Variants in FGD4 observed in about 807,000 individuals in gnomAD.
FGD4 encodes the protein FYVE, RhoGEF and PH domain-containing protein 4.
A neutral mutation model predicts 102.0 loss-of-function variants in FGD4; 42 were observed. The observed-to-expected ratio is 0.41, with a 90% CI of 0.32 to 0.53. The LOEUF (loss-of-function observed/expected upper bound fraction) is 0.53, where lower values mean the gene tolerates loss of function less well. Among genes scored for constraint, FGD4 ranks in the 20% least tolerant of loss-of-function variants. The pLI, the probability that FGD4 is intolerant of heterozygous loss-of-function variation, is 0.21. For synonymous variants in FGD4, 380 were observed against 375.7 expected (o/e 1.01, Z -0.13); for missense variants, 902 against 1,078.2 (o/e 0.84, Z 2.29).
intron 1 of FGD4, among the ~76,000 whole-genome samples, chr12:32,474,496 A>T (rs1410896452): frequency 6.6e-6 from 1 of 152,310 alleles, no homozygotes; most frequent in East Asian, 1.9e-4. Context: ...ACAAAAGACC[A>T]TGTGTTGTAT....
chr12:32,501,202 C>T (rs1565780202), intron 1 of FGD4, among the ~76,000 whole-genome samples: 2 of 152,220 alleles, frequency 1.3e-5, no homozygotes, highest in African/African-American at 4.8e-5. Context: ...CAGGTGCGCA[C>T]CACCACACCT....
intron 10 of FGD4, among the ~76,000 whole-genome samples, chr12:32,614,622 G>A (rs1040535548): frequency 1.3e-5 from 2 of 152,178 alleles, no homozygotes; most frequent in Non-Finnish European, 2.9e-5. Flanking sequence ...CATCAAACAA[G>A]GGCAATTTTT....
Position 32,640,384 on chromosome 12 carries a change from C to T in FGD4, c.2563C>T (p.His855Tyr), listed in dbSNP as rs908838682. 6.2e-7 allele frequency: 1 copy of T among 1,614,202 alleles called. No individual in the cohort carries two copies. The highest frequency in any genetic ancestry group is 1.7e-5 in the Admixed American group (1 of 60,032). ...CAAACTGACCCAGTCTAAGTCCGTGCACAGCTTTGCTGCAGACAGTGAGGA... is the reference window on the plus strand; with the variant it reads ...CAAACTGACCCAGTCTAAGTCCGTGTACAGCTTTGCTGCAGACAGTGAGGA... ...SFKLTQSKSV[H>Y]SFAADSEELK... is the part of the protein sequence containing the mutation. Residue 855 changes from histidine (H) to tyrosine (Y), a missense_variant, in exon 17 of 17, where the codon CAC becomes TAC. By Grantham distance (83) the His-to-Tyr change is moderately conservative. Transcript: ENST00000534526.
At chr12:32,429,236 A>G (rs886666017) in intron 1 of FGD4, among the ~76,000 whole-genome samples, 2 of 152,056 alleles carry the variant, frequency 1.3e-5, no homozygotes, top group African/African-American at 2.4e-5. Context: ...GTTGATGTTG[A>G]TGCTATTCAT....
intron 1 of FGD4, among the ~76,000 whole-genome samples, chr12:32,408,947 T>C (rs1470394625): frequency 6.6e-6 from 1 of 152,176 alleles, no homozygotes; most frequent in African/African-American, 2.4e-5. Flanking sequence ...ATCTGCCCTC[T>C]GGGAAGGTTC....
At chr12:32,509,241 C>CTTTTTTT (rs35053299) in intron 1 of FGD4, among the ~76,000 whole-genome samples, 1 of 132,690 alleles carries the variant, frequency 7.5e-6, no homozygotes, top group African/African-American at 2.8e-5. Context: ...CTTTTATTCT[C>CTTTTTTT]TTTTTTTTTT....
At chr12:32,485,870 A>G in intron 1 of FGD4, 1 of 1,240,580 alleles carries the variant, frequency 8.1e-7, no homozygotes, top group South Asian at 3.2e-5. Context: ...GTACATTTTG[A>G]AACACCTTCG....
intron 1 of FGD4, among the ~76,000 whole-genome samples, chr12:32,435,832 A>G (rs1282331120): frequency 6.6e-6 from 1 of 152,192 alleles, no homozygotes; most frequent in African/African-American, 2.4e-5. Flanking sequence ...AATTCATTCA[A>G]ATAAAAAGAT....
At chr12:32,429,708 G>A (rs1254950589) in intron 1 of FGD4, among the ~76,000 whole-genome samples, 4 of 152,220 alleles carry the variant, frequency 2.6e-5, no homozygotes, top group Non-Finnish European at 5.9e-5. Flanking sequence ...TTCTTTCAGA[G>A]ATGCTTTGTA....
chr12:32,528,578 A>G (rs1436030387), intron 1 of FGD4, among the ~76,000 whole-genome samples: 1 of 151,948 alleles, frequency 6.6e-6, no homozygotes, highest in Non-Finnish European at 1.5e-5. Context: ...TTTAGTAGAG[A>G]TGAGGTTTCA....
At chr12:32,534,491 T>C in intron 1 of FGD4, 1 of 1,505,232 alleles carries the variant, frequency 6.6e-7, no homozygotes, top group Non-Finnish European at 8.8e-7. Flanking sequence ...TCATGTCCAC[T>C]GATCAAGGTA....
At chr12:32,480,411 T>C (rs970023410) in intron 1 of FGD4, among the ~76,000 whole-genome samples, 12 of 151,048 alleles carry the variant, frequency 7.9e-5, no homozygotes, top group Admixed American at 7.9e-4. Flanking sequence ...ATCCGCCCAC[T>C]TCGGCCTCCC....
At chr12:32,602,451 A>AGAGAT in intron 7 of FGD4, 134 bp downstream of exon 7, 13 of 986,506 alleles carry the variant, frequency 1.3e-5, no homozygotes, top group Non-Finnish European at 2.0e-5. Context: ...CAAATTATGC[A>AGAGAT]GATCATCTCT....
At chr12:32,612,373 C>T (rs890301917) in intron 10 of FGD4, among the ~76,000 whole-genome samples, 7 of 152,178 alleles carry the variant, frequency 4.6e-5, no homozygotes, top group African/African-American at 1.4e-4. Context: ...GGGATCTGGG[C>T]TGGTAGCACA....
chr12:32,448,957 T>C (rs1028923397), intron 1 of FGD4, among the ~76,000 whole-genome samples: 33 of 152,020 alleles, frequency 2.2e-4, no homozygotes, highest in African/African-American at 7.5e-4. Context: ...GTGAACTAAA[T>C]GTTGTATTTT....
chr12:32,581,909 G>T (rs1946648666), intron 3 of FGD4, 51 bp from the exon 4 acceptor site: 8 of 1,602,458 alleles, frequency 5.0e-6, no homozygotes, highest in South Asian at 2.2e-5. Context: ...CTTAATTCTA[G>T]AACTTTTCCA....
intron 3 of FGD4, among the ~76,000 whole-genome samples, chr12:32,578,056 A>G (rs561649960): frequency 2.0e-5 from 3 of 152,350 alleles, no homozygotes; most frequent in South Asian, 4.1e-4. Context: ...TTTTTTAATC[A>G]TTCAAGCTTC....
chr12:32,541,907 A>T (rs1942863022), intron 1 of FGD4, among the ~76,000 whole-genome samples: 1 of 152,182 alleles, frequency 6.6e-6, no homozygotes, highest in Admixed American at 6.5e-5. Context: ...ATCATGTCAA[A>T]AATTTGACCT....
At chr12:32,560,492 G>A (rs1944449741) in intron 1 of FGD4, among the ~76,000 whole-genome samples, 1 of 152,170 alleles carries the variant, frequency 6.6e-6, no homozygotes, top group Admixed American at 6.5e-5. Context: ...CTGGGCTTAA[G>A]TGATCTGCCT....
Sources: allele counts gnomAD v4.1 joint callset (sites outside exome capture counted in the v4.1 genomes callset), GRCh38; gene constraint gnomAD v4.1.1; transcripts MANE v1.5; gene names NCBI Gene and HGNC (gene_info 2026-07-23, HGNC 2026-07-21).